Variants in GABRG3 observed in about 807,000 individuals in gnomAD.
The protein encoded by GABRG3 is gamma-aminobutyric acid type A receptor subunit gamma3.
A neutral mutation model predicts 48.8 loss-of-function variants in GABRG3; 25 were observed. That is an observed-to-expected ratio of 0.51 (90% CI 0.37 to 0.72). The LOEUF (loss-of-function observed/expected upper bound fraction) is 0.72. GABRG3 is among the 30% of genes least tolerant of loss of function. The pLI, the probability that GABRG3 is intolerant of heterozygous loss-of-function variation, is 0.00. For synonymous variants in GABRG3, 227 were observed against 217.6 expected (o/e 1.04, Z -0.38); for missense variants, 394 against 577.9 (o/e 0.68, Z 3.26).
intron 3 of GABRG3, among the ~76,000 whole-genome samples, chr15:27,190,408 G>T (rs1457546290): frequency 6.6e-6 from 1 of 152,174 alleles, no homozygotes; most frequent in African/African-American, 2.4e-5. Flanking sequence ...TTCAGCTCCT[G>T]TTATTGGTCT....
intron 3 of GABRG3, chr15:27,280,234 C>T (rs1332405296): frequency 6.6e-6 from 1 of 151,608 alleles, no homozygotes; most frequent in Admixed American, 6.6e-5. Context: ...ATATGTTTTT[C>T]TTTCCTCTTT....
chr15:27,491,121 C>G (rs1300549309), intron 6 of GABRG3, among the ~76,000 whole-genome samples: 1 of 152,202 alleles, frequency 6.6e-6, no homozygotes, highest in Non-Finnish European at 1.5e-5. Context: ...CTCATGCCCT[C>G]CTTCCTTGCT....
At chr15:26,981,150 G>A (rs12904464) in intron 2 of GABRG3, among the ~76,000 whole-genome samples, 76,785 of 151,980 alleles carry the variant, frequency 0.51, 19,966 homozygotes, top group East Asian at 0.88. Context: ...TTTCAACTGA[G>A]AAACATTCCC....
At chr15:27,355,680 AGC>A (rs1225507183) in intron 5 of GABRG3, among the ~76,000 whole-genome samples, 1 of 152,258 alleles carries the variant, frequency 6.6e-6, no homozygotes, top group Non-Finnish European at 1.5e-5. Flanking sequence ...GAATGTGCAT[AGC>A]AGCATTATTC....
At chr15:27,016,833 C>A (rs1223607915) in intron 2 of GABRG3, among the ~76,000 whole-genome samples, 1 of 152,030 alleles carries the variant, frequency 6.6e-6, no homozygotes, top group Non-Finnish European at 1.5e-5. Context: ...AAGTCCTGTT[C>A]TTAAATTTAC....
chr15:27,521,329 C>T (rs923848389), intron 7 of GABRG3, among the ~76,000 whole-genome samples: 3 of 151,908 alleles, frequency 2.0e-5, no homozygotes, highest in Non-Finnish European at 2.9e-5. Context: ...AAGGGGGTAC[C>T]CTAGACGTCC....
chr15:27,480,680 G>T lies in GABRG3; in HGVS notation c.605G>T (p.Arg202Ile). 1.2e-6 allele frequency: 2 copies of T among 1,611,454 alleles called. No homozygotes were observed. Among genetic ancestry groups the T allele is most frequent in the East Asian group, 2.2e-5 (1 of 44,826 alleles). ...TATCCCAAAGAAGAAATGATTTATA[G>T]ATGGAGAAAAAATTCAGTGGAGGCA... ...YGYPKEEMIYRWRKNSVEAAD... is the reference protein window; with the variant it reads ...YGYPKEEMIYIWRKNSVEAAD... Residue 202 changes from arginine to isoleucine, a missense_variant, in exon 6 of 10, where the codon AGA (arginine) becomes ATA (isoleucine). By Grantham distance (97) the Arg-to-Ile change is moderately conservative. Around this residue, in one of 3 missense-constraint regions of GABRG3, gnomAD observed 218 missense variants for 309.9 expected, o/e 0.70. Transcript: ENST00000615808.
intron 2 of GABRG3, among the ~76,000 whole-genome samples, chr15:27,019,936 A>G (rs575121476): frequency 5.3e-5 from 8 of 152,284 alleles, no homozygotes; most frequent in African/African-American, 1.9e-4. Flanking sequence ...TTTAAGCATA[A>G]ACATTATTTG....
In GABRG3 at chr15:27,149,414, A is replaced by T. The variant is rs1023260229; in HGVS notation, c.270+122593A>T. 5.9e-5 allele frequency among the ~76,000 whole-genome samples: 9 copies of T among 151,904 alleles called. No individual in the cohort carries two copies. The East Asian group carries it at 1.7e-3, about 29-fold the overall frequency. On this transcript the variant is annotated intron_variant, in intron 3 of 9. Coordinates refer to ENST00000615808, the MANE Select transcript of GABRG3 (RefSeq NM_033223.5). Reference sequence around the variant, plus strand: ...CATTGTGAAGATGGTAATAGCTCCAAATTGATCTAGATTCAGTAGAATCCC... The same window carrying T: ...CATTGTGAAGATGGTAATAGCTCCATATTGATCTAGATTCAGTAGAATCCC...
chr15:27,056,355 A>G (rs942158832), intron 3 of GABRG3, among the ~76,000 whole-genome samples: 4 of 134,172 alleles, frequency 3.0e-5, no homozygotes, highest in African/African-American at 1.1e-4. Flanking sequence ...CCTGTCTCCA[A>G]AAAAAAAAAA....
At chr15:27,262,272 A>G (rs1053326063) in intron 3 of GABRG3, among the ~76,000 whole-genome samples, 1 of 152,206 alleles carries the variant, frequency 6.6e-6, no homozygotes, top group Non-Finnish European at 1.5e-5. Context: ...AGCTGGAGGT[A>G]GTCTGTGGAC....
At chr15:27,240,185 G>T (rs886456259) in intron 3 of GABRG3, among the ~76,000 whole-genome samples, 4 of 152,120 alleles carry the variant, frequency 2.6e-5, no homozygotes, top group African/African-American at 9.7e-5. Context: ...CCTCAATGTT[G>T]TTAAGATCAT....
chr15:27,513,519 A>G (rs1396821216), intron 6 of GABRG3, among the ~76,000 whole-genome samples: 1 of 152,182 alleles, frequency 6.6e-6, no homozygotes, highest in Non-Finnish European at 1.5e-5. Flanking sequence ...TGCTGATAAT[A>G]TTGTCAGGAA....
chr15:27,123,782 A>G (rs937125416), intron 3 of GABRG3, among the ~76,000 whole-genome samples: 1 of 152,162 alleles, frequency 6.6e-6, no homozygotes, highest in Non-Finnish European at 1.5e-5. Context: ...CACGAGGATG[A>G]TAATGGAGGC....
At chr15:27,157,873 C>A (rs1481405583) in intron 3 of GABRG3, 1 of 152,206 alleles carries the variant, frequency 6.6e-6, no homozygotes, top group Non-Finnish European at 1.5e-5. Flanking sequence ...AGGTCCCTTG[C>A]TGAATATAAA....
At chr15:27,300,377 A>AAT (rs1288085679) in intron 3 of GABRG3, among the ~76,000 whole-genome samples, 1 of 152,138 alleles carries the variant, frequency 6.6e-6, no homozygotes, top group African/African-American at 2.4e-5. Flanking sequence ...TTTTAAAAAC[A>AAT]TGCAGGCCAG....
At chr15:27,110,583 T>A (rs1271144515) in intron 3 of GABRG3, among the ~76,000 whole-genome samples, 3 of 82,746 alleles carry the variant, frequency 3.6e-5, no homozygotes, top group African/African-American at 1.5e-4. Context: ...ATTCCCTCAA[T>A]TTTTTTTTTG....
intron 3 of GABRG3, among the ~76,000 whole-genome samples, chr15:27,122,595 A>G (rs1285092584): frequency 6.6e-6 from 1 of 152,216 alleles, no homozygotes; most frequent in South Asian, 2.1e-4. Context: ...AAGCAATGCA[A>G]CATGATTTCA....
intron 5 of GABRG3, among the ~76,000 whole-genome samples, chr15:27,334,759 T>G (rs1396291430): frequency 6.6e-6 from 1 of 152,120 alleles, no homozygotes; most frequent in Non-Finnish European, 1.5e-5. Context: ...ATTGAGGCCC[T>G]AAAGTCAACA....
Sources: allele counts gnomAD v4.1 joint callset (sites outside exome capture counted in the v4.1 genomes callset), GRCh38; gene constraint gnomAD v4.1.1; regional missense constraint gnomAD v4.1.1; transcripts MANE v1.5; gene names NCBI Gene and HGNC (gene_info 2026-07-23, HGNC 2026-07-21).